The following ZBTB37 variants were observed in gnomAD, a reference collection of about 807,000 sequenced individuals.
ZBTB37 encodes zinc finger and BTB domain containing 37.
In ZBTB37, 15 loss-of-function variants were observed where a neutral mutation model predicts 37.7. The observed-to-expected ratio is 0.40, with a 90% CI of 0.27 to 0.61. ZBTB37 has a LOEUF of 0.61. Ranked by LOEUF, ZBTB37 falls within the 20% of genes least tolerant of loss-of-function variation. The pLI, the probability that ZBTB37 is intolerant of heterozygous loss-of-function variation, is 0.44. For synonymous variants in ZBTB37, 231 were observed against 220.6 expected (o/e 1.05, Z -0.42); for missense variants, 514 against 641.9 (o/e 0.80, Z 2.15).
chr1:173,870,592 G>A, exon 3 of ZBTB37: 1 of 1,614,168 alleles, frequency 6.2e-7, no homozygotes, highest in Non-Finnish European at 8.5e-7. Context: ...ACAGATCCTG[G>A]AGGGCATTCA....
exon 3 of ZBTB37, chr1:173,870,523 A>G: frequency 1.9e-6 from 3 of 1,614,238 alleles, no homozygotes; most frequent in Non-Finnish European, 2.5e-6. Flanking sequence ...GGCAGATATC[A>G]TCAGCTACCT....
intron 4 of ZBTB37, among the ~76,000 whole-genome samples, chr1:173,882,237 CTTT>C (rs1160364347): frequency 2.8e-4 from 25 of 87,948 alleles, no homozygotes; most frequent in African/African-American, 1.1e-3. Flanking sequence ...ATGGTAGTTT[CTTT>C]TTTTTTTTTT....
chr1:173,889,420 A>T (rs988296912), downstream of ZBTB37: 5 of 152,252 alleles, frequency 3.3e-5, no homozygotes, highest in African/African-American at 7.2e-5. Flanking sequence ...TGCATTAGCA[A>T]TGAGAGCTAC....
exon 3 of ZBTB37, chr1:173,870,401 A>T: frequency 6.2e-7 from 1 of 1,614,184 alleles, no homozygotes. Context: ...TATTTCCGGG[A>T]TCACATGTCC....
At chr1:173,892,623 G>A (rs1423306489) in exon 4 of ZBTB37, 2 of 152,154 alleles carry the variant, frequency 1.3e-5, no homozygotes, top group Non-Finnish European at 2.9e-5. Context: ...ACACAGCAGT[G>A]ACTTGAGAAG....
At chr1:173,876,366 G>A (rs1655969034) in intron 4 of ZBTB37, among the ~76,000 whole-genome samples, 1 of 152,008 alleles carries the variant, frequency 6.6e-6, no homozygotes, top group South Asian at 2.1e-4. Context: ...CATCCAGGCT[G>A]GAGTGCAGTG....
intron 4 of ZBTB37, among the ~76,000 whole-genome samples, chr1:173,883,785 C>T (rs563916064): frequency 6.6e-6 from 1 of 152,300 alleles, no homozygotes; most frequent in African/African-American, 2.4e-5. Context: ...TGAGAACTGC[C>T]TCTATTGGAA....
chr1:173,875,224 A>G (rs946500542), intron 4 of ZBTB37, among the ~76,000 whole-genome samples: 2 of 150,084 alleles, frequency 1.3e-5, no homozygotes, highest in South Asian at 2.1e-4. Flanking sequence ...GTATGCACAC[A>G]CTATATATAC....
intron 4 of ZBTB37, among the ~76,000 whole-genome samples, chr1:173,885,199 C>T (rs1656556570): frequency 1.3e-5 from 2 of 152,174 alleles, no homozygotes; most frequent in Non-Finnish European, 2.9e-5. Context: ...CACACCACTG[C>T]ACTCCAGCCT....
exon 3 of ZBTB37, chr1:173,870,561 G>A: frequency 6.2e-7 from 1 of 1,614,152 alleles, no homozygotes; most frequent in African/African-American, 1.3e-5. Flanking sequence ...TGCAAATGCA[G>A]CATATTATAG....
rs370861290 is a variant in ZBTB37 at position 173,870,221 on chromosome 1, C to T, written c.-5C>T. The T allele has an allele frequency of 1.6e-4, 250 of 1,600,582 alleles. No individual in the cohort carries two copies. The highest frequency in any genetic ancestry group is 2.7e-4 in the African/African-American group (20 of 74,532). On this transcript the variant is annotated 5_prime_UTR_variant, in exon 3 of 5. It adds an upstream start codon to the 5' untranslated region. Coordinates refer to ENST00000427304, the Ensembl canonical transcript of ZBTB37. ...GCAGGGTTGAATGCACCCTCAGGCA[C>T]GACCATGGAGAAAGGTGGGAACATA...
chr1:173,870,781 G>A lies in ZBTB37; in HGVS notation c.556G>A (p.Glu186Lys), dbSNP rs1655501098. 3 of 1,614,092 alleles carry A rather than the reference G, an allele frequency of 1.9e-6. No individual in the cohort carries two copies. In the South Asian group the frequency reaches 3.3e-5, roughly 18 times the overall value. ...GGTTAGTGCTGTGCTGGATATCAGA[G>A]AGCTAAGTCCTCCTGAGGAGTCCAC... Residue 186 changes from glutamate (E) to lysine (K), a missense_variant, in exon 3 of 5, where the codon GAG (glutamate) becomes AAG (lysine). Physicochemically the swap from Glu to Lys is moderately conservative, Grantham distance 56 (BLOSUM62 1). This residue lies in a region of ZBTB37 where 323 missense variants were observed against 321.9 expected (regional missense o/e 1.00). Coordinates refer to ENST00000427304, the Ensembl canonical transcript of ZBTB37.
chr1:173,884,974 G>A (rs1656543180), intron 4 of ZBTB37, among the ~76,000 whole-genome samples: 4 of 152,140 alleles, frequency 2.6e-5, no homozygotes, highest in South Asian at 2.1e-4. Flanking sequence ...TGGCTTACAC[G>A]TGTAATCCTG....
chr1:173,868,296 A>G (rs1655137531), upstream of ZBTB37: 1 of 153,134 alleles, frequency 6.5e-6, no homozygotes, highest in Admixed American at 6.5e-5. Context: ...GGGGCGGTGT[A>G]AGGCTGAGTG....
chr1:173,886,569 G>C (rs1300994232), exon 5 of ZBTB37: 1 of 156,016 alleles, frequency 6.4e-6, no homozygotes, highest in Non-Finnish European at 1.4e-5. Flanking sequence ...AGGTAGTCAT[G>C]ATGGTGATGA....
chr1:173,885,277 T>C (rs959629737), intron 4 of ZBTB37, among the ~76,000 whole-genome samples: 7 of 152,150 alleles, frequency 4.6e-5, no homozygotes, highest in Non-Finnish European at 1.0e-4. Context: ...ACTGCCTAAG[T>C]ATTTGATTGT....
exon 4 of ZBTB37, chr1:173,892,070 C>G (rs1395593311): frequency 6.6e-6 from 1 of 152,146 alleles, no homozygotes; most frequent in Non-Finnish European, 1.5e-5. Context: ...AGAATATTTG[C>G]CTAGGTTAGA....
chr1:173,888,576 A>G (rs1333075005), downstream of ZBTB37: 1 of 150,842 alleles, frequency 6.6e-6, no homozygotes, highest in East Asian at 2.0e-4. Context: ...ATAGGCATGC[A>G]CCACCATGTC....
exon 5 of ZBTB37, chr1:173,885,790 G>A: frequency 6.4e-7 from 1 of 1,551,616 alleles, no homozygotes; most frequent in Non-Finnish European, 8.7e-7. Flanking sequence ...CGCCACATGC[G>A]CCTACACATG....
Sources: gnomAD v4.1 joint callset for allele counts (sites outside exome capture counted in the v4.1 genomes callset) on GRCh38, gnomAD v4.1.1 for gene constraint, gnomAD v4.1.1 regional missense constraint, MANE v1.5 for transcripts, NCBI Gene and HGNC (gene_info 2026-07-23, HGNC 2026-07-21) for gene names.